SPATA12: variants seen among roughly 807,000 people sequenced by gnomAD.
SPATA12 encodes spermatogenesis-associated protein 12.
For synonymous variants in SPATA12, 85 were observed against 89.2 expected, an observed-to-expected ratio of 0.95 and a Z score of 0.26; for missense variants, 219 against 226.4, an observed-to-expected ratio of 0.97 and a Z score of 0.21.
chr3:57,069,118 T>C (rs1705734184), intron 1 of SPATA12, among the ~76,000 whole-genome samples: 1 of 152,072 alleles, frequency 6.6e-6, no homozygotes, highest in Non-Finnish European at 1.5e-5. Flanking sequence ...AGACGGGGTT[T>C]CACCATCTTG....
At chr3:57,071,759 A>G (rs1371057212) in intron 1 of SPATA12, among the ~76,000 whole-genome samples, 1 of 152,210 alleles carries the variant, frequency 6.6e-6, no homozygotes, top group Non-Finnish European at 1.5e-5. Context: ...GAAACCCAAG[A>G]AAAATAGATA....
chr3:57,073,454 T>C lies in SPATA12; in HGVS notation c.-241T>C, dbSNP rs1579225380. ...GGACAAGCGTGAAAGAGCTTCCAAGTAGTGGAAACAGCAGAAGCAAAGATG... is the reference window on the plus strand; with the variant it reads ...GGACAAGCGTGAAAGAGCTTCCAAGCAGTGGAAACAGCAGAAGCAAAGATG... On this transcript the variant is annotated 5_prime_UTR_variant, in exon 2 of 2. Coordinates refer to ENST00000334325, the MANE Select transcript of SPATA12 (RefSeq NM_181727.2). 4.0e-6 allele frequency: 2 copies of C among 502,588 alleles called. No individual in the cohort carries two copies. The highest frequency in any genetic ancestry group is 6.8e-5 in the East Asian group (2 of 29,476). 31.1% of individuals were successfully genotyped at this position (502,588 alleles called of 1,614,324 possible).
chr3:57,074,340 C>A lies in SPATA12; in HGVS notation c.*73C>A, dbSNP rs1044158206. On this transcript the variant is annotated 3_prime_UTR_variant, in exon 2 of 2. Coordinates refer to ENST00000334325, the MANE Select transcript of SPATA12 (RefSeq NM_181727.2). ...GGCCTTTGCACATGCTATGCCCTCC[C>A]TTCCATCCCCCACCCCCACCAGGGG... 7.5e-7 allele frequency: 1 copy of A among 1,336,528 alleles called. No homozygotes were observed. The highest frequency in any genetic ancestry group is 1.0e-6 in the Non-Finnish European group (1 of 952,390). The allele number at this position is 1,336,528 out of a possible 1,614,324, so 82.8% of individuals were successfully genotyped here. A position where few individuals can be genotyped will look rare whatever the true frequency, so the allele number is the denominator to read the frequency against.
At position 57,074,570 on chromosome 3, in the gene SPATA12, T is replaced by C. The variant is rs1462792717; in HGVS notation, c.*303T>C. On this transcript the variant is annotated 3_prime_UTR_variant, in exon 2 of 2. Transcript: ENST00000334325. ...TAAATGACATCAATTGATCAATCAA[T>C]CGATCAATCAATGAAAGAGTGGGAG... is the stretch of plus-strand genomic sequence containing the variant. 3.0e-6 allele frequency: 1 copy of C among 334,436 alleles called. No individual in the cohort carries two copies. Among genetic ancestry groups the C allele is most frequent in the Non-Finnish European group, 5.8e-6 (1 of 173,306 alleles). 20.7% of individuals were successfully genotyped at this position (334,436 alleles called of 1,614,324 possible). A position where few individuals can be genotyped will look rare whatever the true frequency, so the allele number is the denominator to read the frequency against.
At chr3:57,065,825 C>T (rs561543119) in intron 1 of SPATA12, among the ~76,000 whole-genome samples, 5 of 152,214 alleles carry the variant, frequency 3.3e-5, no homozygotes, top group African/African-American at 1.2e-4. Flanking sequence ...GCACACACAG[C>T]CCCCTACAGC....
Position 57,074,123 on chromosome 3 carries a change from G to A in SPATA12, c.429G>A (p.Trp143Ter). 6.2e-7 allele frequency: 1 copy of A among 1,613,694 alleles called. No homozygotes were observed. The highest frequency in any genetic ancestry group is 1.3e-5 in the African/African-American group (1 of 75,052). The change falls in exon 2 of 2, where the codon TGG becomes TGA. Residue 143 changes from tryptophan to a stop codon, truncating the protein, a stop_gained. Coordinates refer to ENST00000334325, the MANE Select transcript of SPATA12 (RefSeq NM_181727.2). LOFTEE classifies it low-confidence loss of function (END_TRUNC). ...GGGATAATGAGAGGACCACAGGATGGTTGTGGAGACTGTGTGAGGATATAG... is the reference window on the plus strand; with the variant it reads ...GGGATAATGAGAGGACCACAGGATGATTGTGGAGACTGTGTGAGGATATAG... Reference protein sequence around the residue: ...EDGDNERTTGWLWRLCEDIDA... With the variant: ...EDGDNERTTG
rs1213763583 is a variant in SPATA12 at position 57,074,049 on chromosome 3, G to C, written c.355G>C (p.Glu119Gln). 6.2e-7 allele frequency: 1 copy of C among 1,614,080 alleles called. No individual in the cohort carries two copies. The highest frequency in any genetic ancestry group is 1.3e-5 in the African/African-American group (1 of 74,940). Residue 119 changes from glutamate to glutamine, a missense_variant, in exon 2 of 2, where the codon GAG becomes CAG. By Grantham distance (29) the Glu-to-Gln change is conservative. Transcript: ENST00000334325. ...PALLIQQGSC[E>Q]QVIHNSTPQF... Reference sequence around the variant, plus strand: ...TCTCCTGATACAGCAAGGCAGTTGTGAGCAAGTTATTCATAACTCTACACC... The same window carrying C: ...TCTCCTGATACAGCAAGGCAGTTGTCAGCAAGTTATTCATAACTCTACACC...
In SPATA12 at chr3:57,060,729, C is replaced by T. The variant is rs1179510200; in HGVS notation, c.-387C>T. Reference sequence around the variant, plus strand: ...CTCATCTCCCCCACTCTTCCTGATCCTGCAGCGTCAGATCCCAGCCTGCAG... The same window carrying T: ...CTCATCTCCCCCACTCTTCCTGATCTTGCAGCGTCAGATCCCAGCCTGCAG... On this transcript the variant is annotated 5_prime_UTR_variant, in exon 1 of 2. Transcript: ENST00000334325. The T allele has an allele frequency of 6.6e-6, 1 of 152,108 alleles. No individual in the cohort carries two copies. The highest frequency in any genetic ancestry group is 2.4e-5 in the African/African-American group (1 of 41,368). The allele number at this position is 152,108 out of a possible 1,614,324, so 9.4% of individuals were successfully genotyped here.
chr3:57,066,880 G>A (rs1044176584), intron 1 of SPATA12, among the ~76,000 whole-genome samples: 13 of 152,066 alleles, frequency 8.5e-5, no homozygotes, highest in Admixed American at 3.3e-4. Flanking sequence ...CTGGGTCTCC[G>A]GCCTGCCAGT....
intron 1 of SPATA12, among the ~76,000 whole-genome samples, chr3:57,069,446 T>A (rs1336565100): frequency 2.0e-5 from 3 of 151,078 alleles, no homozygotes; most frequent in Non-Finnish European, 2.9e-5. Flanking sequence ...TCACCCCAGA[T>A]GAGTTGAGGT....
At chr3:57,061,690 T>C (rs1705230933) in intron 1 of SPATA12, among the ~76,000 whole-genome samples, 1 of 152,230 alleles carries the variant, frequency 6.6e-6, no homozygotes, top group Non-Finnish European at 1.5e-5. Flanking sequence ...TACCTCTATG[T>C]TTAACTCCTG....
At chr3:57,069,959 A>G (rs1705793482) in intron 1 of SPATA12, among the ~76,000 whole-genome samples, 1 of 152,214 alleles carries the variant, frequency 6.6e-6, no homozygotes, top group Admixed American at 6.5e-5. Flanking sequence ...CTAAACTTTT[A>G]ATATGTGATA....
At chr3:57,065,903 T>C (rs1011092669) in intron 1 of SPATA12, among the ~76,000 whole-genome samples, 4 of 152,070 alleles carry the variant, frequency 2.6e-5, no homozygotes, top group Non-Finnish European at 5.9e-5. Context: ...CCATGAACTC[T>C]CAGGTCTTCA....
intron 1 of SPATA12, among the ~76,000 whole-genome samples, chr3:57,071,651 C>T (rs1189817812): frequency 7.4e-6 from 1 of 135,334 alleles, no homozygotes; most frequent in Admixed American, 7.7e-5. Flanking sequence ...AAGAGCAAAA[C>T]TCCATCTCAA....
chr3:57,073,557 G>T lies in SPATA12; in HGVS notation c.-138G>T, dbSNP rs1706051305. ...TTTGAGCACCCCGGGATGATTGGTG[G>T]TGGGGTGTGGCTGAAGGTGAATTGG... On this transcript the variant is annotated 5_prime_UTR_variant, in exon 2 of 2. Coordinates refer to ENST00000334325, the MANE Select transcript of SPATA12 (RefSeq NM_181727.2). 1 of 1,379,966 alleles carries T rather than the reference G, an allele frequency of 7.2e-7. No homozygotes were observed. The highest frequency in any genetic ancestry group is 2.8e-5 in the Admixed American group (1 of 35,204). 85.5% of individuals were successfully genotyped at this position (1,379,966 alleles called of 1,614,324 possible).
At chr3:57,069,307 C>CA (rs1457868751) in intron 1 of SPATA12, among the ~76,000 whole-genome samples, 2 of 151,702 alleles carry the variant, frequency 1.3e-5, no homozygotes, top group Non-Finnish European at 2.9e-5. Flanking sequence ...AAACACAGTC[C>CA]AAATTCATGC....
Position 57,074,499 on chromosome 3 carries a change from C to T in SPATA12, c.*232C>T, listed in dbSNP as rs1706116247. On this transcript the variant is annotated 3_prime_UTR_variant, in exon 2 of 2. Transcript: ENST00000334325. The stretch of plus-strand genomic sequence containing the variant: ...GTTAAGTTACTGGCACAAGGTCACA[C>T]AATCCAGATCTCATACTCTTAGCCC... 1 of 560,196 alleles carries T rather than the reference C, an allele frequency of 1.8e-6. No individual in the cohort carries two copies. Among genetic ancestry groups the T allele is most frequent in the Non-Finnish European group, 3.3e-6 (1 of 306,902 alleles). The allele number at this position is 560,196 out of a possible 1,614,324, so 34.7% of individuals were successfully genotyped here.
At chr3:57,067,681 A>T (rs559161772) in intron 1 of SPATA12, among the ~76,000 whole-genome samples, 3 of 150,858 alleles carry the variant, frequency 2.0e-5, no homozygotes, top group South Asian at 2.1e-4. Context: ...CAAAAAATTT[A>T]AAAAATTAGC....
Position 57,072,839 on chromosome 3 carries a change from G to T in SPATA12, c.-329-527G>T, listed in dbSNP as rs75232493. On this transcript the variant is annotated intron_variant, in intron 1 of 1. Coordinates refer to ENST00000334325, the MANE Select transcript of SPATA12 (RefSeq NM_181727.2). ...AGGCGGGTGGATCACGAGGTCAGGA[G>T]TTCAAGACCAGCCTGGCCAAGATGG... Among the ~76,000 whole-genome samples the T allele has an allele frequency of 3.6e-4, 55 of 152,214 alleles. No individual in the cohort carries two copies. In the East Asian group the frequency reaches 9.7e-3, roughly 27 times the overall value.
Sources: gnomAD v4.1 joint callset for allele counts (sites outside exome capture counted in the v4.1 genomes callset) on GRCh38, gnomAD v4.1.1 for gene constraint, MANE v1.5 for transcripts, NCBI Gene and HGNC (gene_info 2026-07-23, HGNC 2026-07-21) for gene names.